Variants in SHLD1 observed in about 807,000 individuals in gnomAD.
SHLD1 encodes the protein RINN1-REV7-interacting novel NHEJ regulator 3.
A neutral mutation model predicts 5.5 loss-of-function variants in SHLD1; 3 were observed. The observed-to-expected ratio is 0.54, with a 90% confidence interval of 0.25 to 1.40. The LOEUF is 1.40. Ranked by LOEUF, SHLD1 falls within the 40% of genes most tolerant of loss-of-function variation. The pLI, the probability that SHLD1 is intolerant of heterozygous loss-of-function variation, is 0.15. For synonymous variants in SHLD1, 92 were observed against 94.3 expected, an observed-to-expected ratio of 0.98 and a Z score of 0.14; for missense variants, 210 against 244.4, an observed-to-expected ratio of 0.86 and a Z score of 0.94.
At chr20:5,814,873 G>A (rs936008917) in intron 2 of SHLD1, among the ~76,000 whole-genome samples, 1 of 151,648 alleles carries the variant, frequency 6.6e-6, no homozygotes, top group South Asian at 2.1e-4. Context: ...GGCTGGTCTC[G>A]AATTCCTGGG....
chr20:5,785,509 C>T (rs575990157), intron 2 of SHLD1, among the ~76,000 whole-genome samples: 1 of 152,114 alleles, frequency 6.6e-6, no homozygotes, highest in Non-Finnish European at 1.5e-5. Context: ...AAGAATTAAG[C>T]TTTAGGCCAG....
chr20:5,837,557 C>T (rs561763603), intron 2 of SHLD1, among the ~76,000 whole-genome samples: 2 of 151,682 alleles, frequency 1.3e-5, no homozygotes, highest in East Asian at 3.9e-4. Flanking sequence ...TAAGTGAGAA[C>T]ATGCGGTGTT....
intron 2 of SHLD1, among the ~76,000 whole-genome samples, chr20:5,857,030 G>A (rs2088096235): frequency 6.6e-6 from 1 of 152,152 alleles, no homozygotes; most frequent in African/African-American, 2.4e-5. Flanking sequence ...CGCCCAGGCT[G>A]GAGTGCAGTG....
chr20:5,792,454 G>C (rs116491449), intron 2 of SHLD1, among the ~76,000 whole-genome samples: 2,063 of 152,044 alleles, frequency 0.014, 43 homozygotes, highest in African/African-American at 0.047. Context: ...GAGTCTCACT[G>C]TATCCCTCAG....
At chr20:5,819,010 G>C (rs2087573656) in intron 2 of SHLD1, among the ~76,000 whole-genome samples, 1 of 152,150 alleles carries the variant, frequency 6.6e-6, no homozygotes, top group Admixed American at 6.5e-5. Context: ...CTACAGGTGT[G>C]CGCCATCACA....
In SHLD1 at chr20:5,796,634, C is replaced by G. The variant is rs190276706; in HGVS notation, c.178+23591C>G. On this transcript the variant is annotated intron_variant, in intron 2 of 2. Coordinates refer to ENST00000303142, the MANE Select transcript of SHLD1 (RefSeq NM_152504.4). ...TTGAGTCTAGGAGTTTGAGACCAGC[C>G]TGGGCAACATGGAGAAACCCCATCT... is the stretch of plus-strand genomic sequence containing the variant. Among the ~76,000 whole-genome samples the G allele has an allele frequency of 5.9e-4, 90 of 152,032 alleles. 1 individual carries two copies. The highest frequency in any genetic ancestry group is 5.9e-5 in the Non-Finnish European group (4 of 67,990).
At chr20:5,757,127 G>A (rs545891362) in intron 1 of SHLD1, among the ~76,000 whole-genome samples, 6 of 117,344 alleles carry the variant, frequency 5.1e-5, no homozygotes, top group East Asian at 7.3e-4. Flanking sequence ...CTGGAGTACA[G>A]TGGTGCAATC....
At chr20:5,752,679 C>T (rs13039208) in intron 1 of SHLD1, among the ~76,000 whole-genome samples, 39,946 of 145,824 alleles carry the variant, frequency 0.27, 6,077 homozygotes, top group Admixed American at 0.34. Context: ...TGCAGTAGTG[C>T]GATCTCGGCT....
At chr20:5,758,674 C>T (rs981904478) in intron 1 of SHLD1, among the ~76,000 whole-genome samples, 2 of 152,096 alleles carry the variant, frequency 1.3e-5, no homozygotes, top group African/African-American at 4.8e-5. Flanking sequence ...CAACTTCAGC[C>T]TCCCAAAGTG....
At chr20:5,792,292 G>C (rs996429721) in intron 2 of SHLD1, among the ~76,000 whole-genome samples, 1 of 152,002 alleles carries the variant, frequency 6.6e-6, no homozygotes, top group Non-Finnish European at 1.5e-5. Context: ...CTTTTCCTCT[G>C]TGCTTTCTTC....
rs776970446 is a variant in SHLD1 at position 5,863,072 on chromosome 20, ACTT to A, written c.230_232del (p.Phe77del). Reference sequence around the variant, plus strand: ...CAAAATAACTCCTGGACCGCTGAGAACTTCTGGCTTGACCCTGCTGTGAAAGGC... The same window carrying A: ...CAAAATAACTCCTGGACCGCTGAGAACTGGCTTGACCCTGCTGTGAAAGGC... On this transcript the variant is annotated inframe_deletion, in exon 3 of 3. Transcript: ENST00000303142. 3.1e-6 allele frequency: 5 copies of A among 1,613,852 alleles called. No homozygotes were observed. In the Admixed American group the frequency reaches 8.3e-5, roughly 27 times the overall value.
In SHLD1 at chr20:5,772,714, C is replaced by G. The variant is rs560576774; in HGVS notation, c.-4-148C>G. 974 of 703,682 alleles carry G rather than the reference C, an allele frequency of 1.4e-3. 4 individuals are homozygous for G. Among genetic ancestry groups the G allele is most frequent in the Non-Finnish European group, 1.6e-3 (708 of 453,456 alleles). 43.6% of individuals were successfully genotyped at this position (703,682 alleles called of 1,614,324 possible). A position where few individuals can be genotyped will look rare whatever the true frequency, so the allele number is the denominator to read the frequency against. On this transcript the variant is annotated intron_variant, in intron 1 of 2. Coordinates refer to ENST00000303142, the MANE Select transcript of SHLD1 (RefSeq NM_152504.4). ...ATTGCTTGAGCCCAGGAGTTCAAGA[C>G]CAGCCTGGGCAACTTAGTGAGACCT...
At chr20:5,777,882 G>A (rs569341493) in intron 2 of SHLD1, among the ~76,000 whole-genome samples, 1 of 152,086 alleles carries the variant, frequency 6.6e-6, no homozygotes, top group Non-Finnish European at 1.5e-5. Context: ...AGAGGTGGAA[G>A]GAGTTTTAGG....
At chr20:5,816,455 G>A (rs896720753) in intron 2 of SHLD1, among the ~76,000 whole-genome samples, 3 of 152,216 alleles carry the variant, frequency 2.0e-5, no homozygotes, top group African/African-American at 4.8e-5. Flanking sequence ...TTGGGTGCAT[G>A]AGAGATTCAC....
intron 2 of SHLD1, among the ~76,000 whole-genome samples, chr20:5,832,822 A>C (rs1175617443): frequency 6.6e-6 from 1 of 151,478 alleles, no homozygotes; most frequent in Non-Finnish European, 1.5e-5. Context: ...TAAATAAATA[A>C]ATAAATAAAT....
rs542721581 is a variant in SHLD1 at position 5,838,343 on chromosome 20, A to C, written c.179-24681A>C. Among the ~76,000 whole-genome samples, 4 of 152,382 alleles carry C rather than the reference A, an allele frequency of 2.6e-5. 1 individual carries two copies. The highest frequency in any genetic ancestry group is 9.6e-5 in the African/African-American group (4 of 41,594). On this transcript the variant is annotated intron_variant, in intron 2 of 2. Transcript: ENST00000303142. ...AAGTTGGAGTGGTAGATTATGGGAA[A>C]TGGAAAGGAGAATGGAAGGAATAGA...
chr20:5,809,762 C>T (rs1218422926), intron 2 of SHLD1, among the ~76,000 whole-genome samples: 3 of 152,056 alleles, frequency 2.0e-5, no homozygotes, highest in Non-Finnish European at 4.4e-5. Flanking sequence ...ATGCTACTGA[C>T]ATATAGTCGG....
intron 2 of SHLD1, among the ~76,000 whole-genome samples, chr20:5,854,952 C>T (rs1352673032): frequency 6.7e-6 from 1 of 149,048 alleles, no homozygotes; most frequent in East Asian, 2.0e-4. Flanking sequence ...CAGTCCATTG[C>T]TGCCTTGATC....
intron 1 of SHLD1, among the ~76,000 whole-genome samples, chr20:5,756,365 T>C (rs1265220408): frequency 1.3e-5 from 2 of 152,142 alleles, no homozygotes; most frequent in Admixed American, 6.6e-5. Flanking sequence ...TGGGGGACAT[T>C]GCCATCTTAA....
Sources: allele counts gnomAD v4.1 joint callset (sites outside exome capture counted in the v4.1 genomes callset), GRCh38; gene constraint gnomAD v4.1.1; transcripts MANE v1.5; gene names NCBI Gene and HGNC (gene_info 2026-07-23, HGNC 2026-07-21).